The following CNTN4 variants were observed in gnomAD, a reference collection of about 807,000 sequenced individuals.
CNTN4 encodes contactin 4.
Under a neutral mutation model 122.5 loss-of-function variants are expected in CNTN4, and 77 were observed. The ratio of observed to expected loss-of-function variants is 0.63; its 90% CI spans 0.52 to 0.76. CNTN4 has a LOEUF of 0.76. CNTN4 is among the 30% of genes least tolerant of loss of function. CNTN4 has a pLI of 0.00. For missense variants in CNTN4, 1,256 were observed against 1,259.1 expected (o/e 1.00, Z 0.04); for synonymous variants, 512 against 447.0 (o/e 1.15, Z -1.83).
At chr3:2,748,256 T>G (rs936154468) in intron 6 of CNTN4, among the ~76,000 whole-genome samples, 8 of 152,222 alleles carry the variant, frequency 5.3e-5, no homozygotes, top group Non-Finnish European at 5.9e-5. Context: ...CATATAATCA[T>G]GTAAAATCTG....
chr3:2,881,535 G>T (rs1360073104), intron 8 of CNTN4, among the ~76,000 whole-genome samples: 1 of 150,804 alleles, frequency 6.6e-6, no homozygotes. Flanking sequence ...AAAAAAACAG[G>T]CAAGGGCCCA....
At chr3:2,171,547 AG>A in intron 2 of CNTN4, among the ~76,000 whole-genome samples, 1 of 152,326 alleles carries the variant, frequency 6.6e-6, no homozygotes, top group Non-Finnish European at 1.5e-5. Flanking sequence ...AATTGGAAAA[AG>A]TAGAGCTATT....
chr3:2,256,340 A>G (rs1315040042), intron 2 of CNTN4, among the ~76,000 whole-genome samples: 1 of 152,222 alleles, frequency 6.6e-6, no homozygotes, highest in East Asian at 1.9e-4. Flanking sequence ...AGATGGATTT[A>G]CAGCCGAATT....
At chr3:3,002,420 C>A (rs1347062999) in intron 14 of CNTN4, among the ~76,000 whole-genome samples, 1 of 151,772 alleles carries the variant, frequency 6.6e-6, no homozygotes, top group Non-Finnish European at 1.5e-5. Flanking sequence ...TCAGGTTTAG[C>A]TCAAAAAAGA....
At chr3:2,125,700 G>A (rs1338876723) in intron 2 of CNTN4, among the ~76,000 whole-genome samples, 1 of 151,672 alleles carries the variant, frequency 6.6e-6, no homozygotes, top group Non-Finnish European at 1.5e-5. Flanking sequence ...TGGGACTACA[G>A]GCGCCTGCCA....
At chr3:2,504,384 C>T (rs1559614386) in intron 3 of CNTN4, among the ~76,000 whole-genome samples, 1 of 152,132 alleles carries the variant, frequency 6.6e-6, no homozygotes, top group Non-Finnish European at 1.5e-5. Flanking sequence ...GCTTCTGTTT[C>T]TGAGAAAACT....
chr3:3,009,952 T>C (rs1697060690), intron 14 of CNTN4, among the ~76,000 whole-genome samples: 3 of 151,384 alleles, frequency 2.0e-5, no homozygotes, highest in Admixed American at 2.0e-4. Flanking sequence ...TTTCGGCTGA[T>C]CGCTACCTAG....
At chr3:2,505,231 G>A (rs979355502) in intron 3 of CNTN4, among the ~76,000 whole-genome samples, 9 of 152,138 alleles carry the variant, frequency 5.9e-5, no homozygotes, top group Admixed American at 5.9e-4. Context: ...TTCTAAAAAT[G>A]AGTATGACAG....
At chr3:2,696,412 A>C (rs1239183536) in intron 4 of CNTN4, among the ~76,000 whole-genome samples, 1 of 152,224 alleles carries the variant, frequency 6.6e-6, no homozygotes, top group Non-Finnish European at 1.5e-5. Context: ...GAATTAATGC[A>C]CTTATAAAAG....
intron 8 of CNTN4, among the ~76,000 whole-genome samples, chr3:2,882,015 T>A (rs2093916900): frequency 6.6e-6 from 1 of 152,130 alleles, no homozygotes; most frequent in South Asian, 2.1e-4. Flanking sequence ...TAAGAATAAA[T>A]GTATTAGAAC....
chr3:2,684,389 G>A (rs1356054450), intron 4 of CNTN4, among the ~76,000 whole-genome samples: 1 of 150,928 alleles, frequency 6.6e-6, no homozygotes, highest in African/African-American at 2.4e-5. Context: ...ACCAGCTGCT[G>A]GAAACAAAAA....
chr3:2,372,717 C>T (rs73102094), intron 3 of CNTN4, among the ~76,000 whole-genome samples: 2,603 of 152,122 alleles, frequency 0.017, 75 homozygotes, highest in African/African-American at 0.059. Context: ...GAGTGAGAGT[C>T]AGAAGATGTG....
intron 4 of CNTN4, among the ~76,000 whole-genome samples, chr3:2,680,423 C>T (rs2085102484): frequency 6.6e-6 from 1 of 152,174 alleles, no homozygotes; most frequent in African/African-American, 2.4e-5. Context: ...GGTGCTCAGT[C>T]CTGGCTCGGA....
intron 3 of CNTN4, among the ~76,000 whole-genome samples, chr3:2,519,230 C>T (rs575305388): frequency 1.4e-4 from 22 of 152,268 alleles, no homozygotes; most frequent in African/African-American, 4.8e-4. Flanking sequence ...GCCAAAGTGG[C>T]ATATTCTGAT....
chr3:2,706,428 G>A (rs549120283), intron 4 of CNTN4, among the ~76,000 whole-genome samples: 2 of 152,270 alleles, frequency 1.3e-5, no homozygotes, highest in South Asian at 4.1e-4. Flanking sequence ...TCAGCATATA[G>A]AGGTGGTTGT....
intron 2 of CNTN4, among the ~76,000 whole-genome samples, chr3:2,224,765 T>C (rs2039203188): frequency 6.6e-6 from 1 of 152,176 alleles, no homozygotes; most frequent in Non-Finnish European, 1.5e-5. Context: ...ATATGGGGTA[T>C]CAGTTGGCTC....
intron 3 of CNTN4, among the ~76,000 whole-genome samples, chr3:2,464,293 G>T (rs141533942): frequency 0.011 from 1,720 of 152,236 alleles, 30 homozygotes; most frequent in African/African-American, 0.04. Flanking sequence ...AGGAGAATCC[G>T]CAGTTAGCTC....
At chr3:2,786,173 C>T (rs73807939) in intron 6 of CNTN4, among the ~76,000 whole-genome samples, 3,716 of 152,086 alleles carry the variant, frequency 0.024, 155 homozygotes, top group African/African-American at 0.085. Context: ...CCTCCACATT[C>T]ACCACCCTCC....
At chr3:2,627,654 T>G (rs180845285) in intron 4 of CNTN4, among the ~76,000 whole-genome samples, 1 of 151,844 alleles carries the variant, frequency 6.6e-6, no homozygotes, top group Non-Finnish European at 1.5e-5. Flanking sequence ...CCACCACGCC[T>G]GGCTAATTTT....
Sources: allele counts gnomAD v4.1 joint callset (sites outside exome capture counted in the v4.1 genomes callset), GRCh38; gene constraint gnomAD v4.1.1; transcripts MANE v1.5; gene names NCBI Gene and HGNC (gene_info 2026-07-23, HGNC 2026-07-21).